FSIP1: variants seen among roughly 807,000 people sequenced by gnomAD.
FSIP1 encodes the protein fibrous sheath-interacting protein 1.
A neutral mutation model predicts 60.9 loss-of-function variants in FSIP1; 65 were observed. The observed-to-expected ratio is 1.07, with a 90% CI of 0.87 to 1.31. The LOEUF (loss-of-function observed/expected upper bound fraction) is 1.31. Ranked by LOEUF, FSIP1 falls within the 40% of genes most tolerant of loss-of-function variation. The pLI, the probability that FSIP1 is intolerant of heterozygous loss-of-function variation, is 0.00. For missense variants in FSIP1, 675 were observed against 665.5 expected, an observed-to-expected ratio of 1.01 and a Z score of -0.16; for synonymous variants, 209 against 221.2, an observed-to-expected ratio of 0.94 and a Z score of 0.49.
intron 10 of FSIP1, among the ~76,000 whole-genome samples, chr15:39,660,141 A>G (rs765118817): frequency 3.9e-5 from 6 of 152,156 alleles, no homozygotes; most frequent in Non-Finnish European, 8.8e-5. Flanking sequence ...TTCTGCCTTG[A>G]CAACGTAGTA....
intron 10 of FSIP1, among the ~76,000 whole-genome samples, chr15:39,623,603 A>G (rs1243141232): frequency 6.6e-6 from 1 of 152,212 alleles, no homozygotes; most frequent in African/African-American, 2.4e-5. Context: ...CACTACTGGC[A>G]ACACCTCCGT....
At chr15:39,674,301 G>A (rs978321410) in intron 10 of FSIP1, among the ~76,000 whole-genome samples, 15 of 152,148 alleles carry the variant, frequency 9.9e-5, no homozygotes, top group South Asian at 4.1e-4. Context: ...TGATCCGCCC[G>A]CCTCGGCCTC....
chr15:39,651,130 A>G (rs1420116825), intron 10 of FSIP1, among the ~76,000 whole-genome samples: 14 of 152,192 alleles, frequency 9.2e-5, no homozygotes, highest in Admixed American at 9.2e-4. Context: ...AACAGCTGTC[A>G]TGTGTCTCCA....
intron 8 of FSIP1, among the ~76,000 whole-genome samples, chr15:39,731,050 A>T (rs1896385151): frequency 6.6e-6 from 1 of 152,200 alleles, no homozygotes; most frequent in Non-Finnish European, 1.5e-5. Flanking sequence ...ACTGATAAAA[A>T]ATTTATTGTC....
intron 6 of FSIP1, 27 bp downstream of exon 6, chr15:39,741,778 T>A (rs899929053): frequency 2.7e-6 from 3 of 1,112,156 alleles, no homozygotes; most frequent in Non-Finnish European, 4.1e-6. Context: ...TGTGAAAATG[T>A]GTATAATCAC....
Position 39,781,858 on chromosome 15 carries a change from G to C in FSIP1, c.-8+770C>G, listed in dbSNP as rs561587565. 2.6e-5 allele frequency among the ~76,000 whole-genome samples: 4 copies of C among 152,348 alleles called. No homozygotes were observed. In the East Asian group the frequency reaches 7.7e-4, roughly 29 times the overall value. ...GAGCACTAGGGAATTTGGGGTTCATGATGAAACTTCCGTATGCTGATTGTG... is the reference window on the plus strand; with the variant it reads ...GAGCACTAGGGAATTTGGGGTTCATCATGAAACTTCCGTATGCTGATTGTG... On this transcript the variant is annotated intron_variant, in intron 1 of 11. Coordinates refer to ENST00000350221, the MANE Select transcript of FSIP1 (RefSeq NM_152597.5).
chr15:39,756,092 T>G lies in FSIP1; in HGVS notation c.559+7729A>C, dbSNP rs146989945. ...AATATTGTTTACTTCAAAATCCCAG[T>G]AAACTTGAGGTTAATATGTCTGGAT... is the stretch of plus-strand genomic sequence containing the variant. On this transcript the variant is annotated intron_variant, in intron 5 of 11. Coordinates refer to ENST00000350221, the MANE Select transcript of FSIP1 (RefSeq NM_152597.5). Among the ~76,000 whole-genome samples, 786 of 152,270 alleles carry G rather than the reference T, an allele frequency of 5.2e-3. 5 individuals are homozygous for G. The highest frequency in any genetic ancestry group is 0.018 in the African/African-American group (732 of 41,570).
At chr15:39,732,964 T>A (rs1350835395) in intron 8 of FSIP1, among the ~76,000 whole-genome samples, 1 of 152,202 alleles carries the variant, frequency 6.6e-6, no homozygotes, top group Non-Finnish European at 1.5e-5. Context: ...TCACCATCCA[T>A]CGGACTCTAG....
At chr15:39,681,296 G>GT in intron 10 of FSIP1, among the ~76,000 whole-genome samples, 1 of 150,814 alleles carries the variant, frequency 6.6e-6, no homozygotes, top group East Asian at 1.9e-4. Flanking sequence ...TTGGTTTTTT[G>GT]TTTTTTGTTT....
At chr15:39,693,166 T>C (rs1196269047) in intron 10 of FSIP1, among the ~76,000 whole-genome samples, 1 of 152,224 alleles carries the variant, frequency 6.6e-6, no homozygotes, top group Non-Finnish European at 1.5e-5. Flanking sequence ...GTCGGGAATT[T>C]TTAACAGTCT....
intron 10 of FSIP1, among the ~76,000 whole-genome samples, chr15:39,644,717 G>GA (rs200100442): frequency 0.055 from 8,016 of 145,116 alleles, 352 homozygotes; most frequent in East Asian, 0.11. Flanking sequence ...GGCAAGTACT[G>GA]AAAAAAAAAA....
intron 10 of FSIP1, among the ~76,000 whole-genome samples, chr15:39,643,016 T>A (rs1406171540): frequency 1.3e-5 from 2 of 152,248 alleles, no homozygotes; most frequent in African/African-American, 4.8e-5. Flanking sequence ...GTGGTAGCCA[T>A]ACATTTGAAT....
chr15:39,713,309 G>A (rs1895598602), intron 10 of FSIP1, 135 bp downstream of exon 10: 2 of 675,530 alleles, frequency 3.0e-6, no homozygotes, highest in African/African-American at 1.9e-5. Context: ...GCCCACACCT[G>A]TAATCCTAGC....
chr15:39,730,559 C>T (rs79709857), intron 8 of FSIP1, among the ~76,000 whole-genome samples: 2,490 of 152,282 alleles, frequency 0.016, 55 homozygotes, highest in African/African-American at 0.054. Flanking sequence ...TAGGTAAAAA[C>T]TTTATGCACA....
At chr15:39,750,448 C>A (rs1206801726) in intron 5 of FSIP1, among the ~76,000 whole-genome samples, 1 of 151,790 alleles carries the variant, frequency 6.6e-6, no homozygotes, top group African/African-American at 2.4e-5. Flanking sequence ...ACACACAGAC[C>A]AGCAGAACAA....
chr15:39,748,307 C>A (rs1049984376), intron 5 of FSIP1, among the ~76,000 whole-genome samples: 1 of 152,112 alleles, frequency 6.6e-6, no homozygotes, highest in African/African-American at 2.4e-5. Flanking sequence ...ATCAAATAGA[C>A]AAGTAATAAG....
chr15:39,646,906 C>G (rs995296507), intron 10 of FSIP1, among the ~76,000 whole-genome samples: 3 of 152,064 alleles, frequency 2.0e-5, no homozygotes, highest in Non-Finnish European at 2.9e-5. Context: ...AAAAGGAGAT[C>G]CTGCCATTTG....
chr15:39,753,762 T>C (rs1366268263), intron 5 of FSIP1, among the ~76,000 whole-genome samples: 1 of 150,984 alleles, frequency 6.6e-6, no homozygotes, highest in Admixed American at 6.6e-5. Flanking sequence ...GTTCATAAAC[T>C]AAAAAAAAGG....
chr15:39,608,070 TATAA>T (rs1440355109), intron 11 of FSIP1, among the ~76,000 whole-genome samples: 1 of 152,232 alleles, frequency 6.6e-6, no homozygotes, highest in African/African-American at 2.4e-5. Flanking sequence ...TTTTAATAAT[TATAA>T]ATAATGAGGT....
Sources: allele counts gnomAD v4.1 joint callset (sites outside exome capture counted in the v4.1 genomes callset), GRCh38; gene constraint gnomAD v4.1.1; transcripts MANE v1.5; gene names NCBI Gene and HGNC (gene_info 2026-07-23, HGNC 2026-07-21).